Variants in TTLL7 observed in about 807,000 individuals in gnomAD.
TTLL7 encodes the protein tubulin polyglutamylase TTLL7.
A neutral mutation model predicts 120.2 loss-of-function variants in TTLL7; 53 were observed. The observed-to-expected ratio is 0.44, with a 90% CI of 0.35 to 0.55. The LOEUF (loss-of-function observed/expected upper bound fraction) is 0.55, where lower values mean the gene tolerates loss of function less well. Ranked by LOEUF, TTLL7 falls within the 20% of genes least tolerant of loss-of-function variation. TTLL7 has a pLI of 0.00. For synonymous variants in TTLL7, 353 were observed against 351.7 expected, an observed-to-expected ratio of 1.00 and a Z score of -0.04; for missense variants, 803 against 1,054.7, an observed-to-expected ratio of 0.76 and a Z score of 3.31.
chr1:83,958,512 A>C lies in TTLL7; in HGVS notation c.-176-6125T>G, dbSNP rs1283672777. ...CAGTCAGAAATCTATTACTTCCTAA[A>C]AATTATAAAAATAAGGCAGTTGTAT... is the stretch of plus-strand genomic sequence containing the variant. On this transcript the variant is annotated intron_variant, in intron 1 of 20. Coordinates refer to ENST00000260505, the MANE Select transcript of TTLL7 (RefSeq NM_024686.6). 1.2e-4 allele frequency among the ~76,000 whole-genome samples: 18 copies of C among 152,230 alleles called. 1 individual carries two copies. Among genetic ancestry groups the C allele is most frequent in the Admixed American group, 1.2e-3 (18 of 15,280 alleles).
At chr1:83,896,147 AAC>A (rs1656201861) in intron 18 of TTLL7, among the ~76,000 whole-genome samples, 1 of 152,080 alleles carries the variant, frequency 6.6e-6, no homozygotes, top group Non-Finnish European at 1.5e-5. Context: ...TAATTCGTGA[AAC>A]ACAAAAATAA....
rs748921687 is a variant in TTLL7 at position 83,921,260 on chromosome 1, C to T, written c.1277G>A (p.Arg426Gln). ...AAACTTTCATACCAACTCTTCTTTC[C>T]GCCTCTCCAACTGGTGTCTCTGCTG... ...WEQQRHQLER[R>Q]KEELKERLAQ... The change falls in exon 11 of 21, where the codon CGG becomes CAG. Residue 426 changes from arginine to glutamine, a missense_variant. This residue lies in a region of TTLL7 where 324 missense variants were observed against 507.7 expected (regional missense o/e 0.64). Coordinates refer to ENST00000260505, the MANE Select transcript of TTLL7 (RefSeq NM_024686.6). 27 of 1,612,304 alleles carry T rather than the reference C, an allele frequency of 1.7e-5. No homozygotes were observed. Among genetic ancestry groups the T allele is most frequent in the Non-Finnish European group, 2.0e-5 (24 of 1,179,496 alleles).
intron 1 of TTLL7, among the ~76,000 whole-genome samples, chr1:83,987,303 A>G (rs1652561975): frequency 6.6e-6 from 1 of 152,140 alleles, no homozygotes; most frequent in Non-Finnish European, 1.5e-5. Context: ...TGATGAAAGA[A>G]ATCAATGAAG....
chr1:83,883,008 T>C lies in TTLL7; in HGVS notation c.2498A>G (p.Lys833Arg), dbSNP rs770241308. The change falls in exon 20 of 21, where the codon AAA (lysine) becomes AGA (arginine). Residue 833 changes from lysine to arginine, a missense_variant. Transcript: ENST00000260505. ...LLVVYKYATD[K>R]RGSLSGIGPD... is the part of the protein sequence containing the mutation. ...ACCAATGCCTGAAAGTGATCCTCTT[T>C]TGTCAGTTGCATATTTGTAAACCAC... The C allele has an allele frequency of 2.5e-6, 4 of 1,612,538 alleles. No individual in the cohort carries two copies. The African/African-American group carries it at 5.3e-5, about 22-fold the overall frequency.
At chr1:83,958,780 T>C (rs1272161450) in intron 1 of TTLL7, among the ~76,000 whole-genome samples, 1 of 152,220 alleles carries the variant, frequency 6.6e-6, no homozygotes, top group Admixed American at 6.5e-5. Context: ...GGATTTAATG[T>C]CAGTTCTACA....
At chr1:83,964,549 T>G (rs1650283098) in intron 1 of TTLL7, among the ~76,000 whole-genome samples, 1 of 152,170 alleles carries the variant, frequency 6.6e-6, no homozygotes, top group Non-Finnish European at 1.5e-5. Context: ...AAACTTGTTT[T>G]TAATGCTCAT....
chr1:83,908,040 T>C (rs1225080995), intron 15 of TTLL7, among the ~76,000 whole-genome samples: 1 of 152,116 alleles, frequency 6.6e-6, no homozygotes, highest in Non-Finnish European at 1.5e-5. Context: ...GGAAACCCTC[T>C]GAAGTAGGGA....
intron 18 of TTLL7, among the ~76,000 whole-genome samples, chr1:83,903,619 T>C (rs184965690): frequency 5.3e-5 from 8 of 152,220 alleles, no homozygotes; most frequent in Non-Finnish European, 1.2e-4. Context: ...TAATTACTTA[T>C]AATATCTAAT....
At chr1:83,928,450 T>C (rs1408333242) in intron 10 of TTLL7, among the ~76,000 whole-genome samples, 1 of 152,194 alleles carries the variant, frequency 6.6e-6, no homozygotes, top group Non-Finnish European at 1.5e-5. Flanking sequence ...AAAAAATTCA[T>C]TTTGTAATGA....
chr1:83,995,686 A>G (rs1247959419), intron 1 of TTLL7, among the ~76,000 whole-genome samples: 2 of 152,144 alleles, frequency 1.3e-5, no homozygotes, highest in Admixed American at 1.3e-4. Flanking sequence ...AGTAGTTTCA[A>G]AACTTGCTTA....
intron 1 of TTLL7, among the ~76,000 whole-genome samples, chr1:83,969,963 T>A (rs898191101): frequency 6.6e-6 from 1 of 151,998 alleles, no homozygotes; most frequent in African/African-American, 2.4e-5. Context: ...TAAACAAATA[T>A]GCCTAAATTA....
At chr1:83,885,546 T>C (rs889914848) in intron 19 of TTLL7, among the ~76,000 whole-genome samples, 2 of 152,018 alleles carry the variant, frequency 1.3e-5, no homozygotes, top group Non-Finnish European at 2.9e-5. Context: ...CAAGGTCCTA[T>C]ACATATTTAG....
chr1:83,947,485 G>C, intron 5 of TTLL7: 1 of 341,164 alleles, frequency 2.9e-6, no homozygotes, highest in Non-Finnish European at 5.1e-6. Context: ...ATTCATCAGT[G>C]AAAAAAAAAA....
intron 1 of TTLL7, among the ~76,000 whole-genome samples, chr1:83,977,609 C>T (rs1651610501): frequency 6.6e-6 from 1 of 152,122 alleles, no homozygotes; most frequent in African/African-American, 2.4e-5. Context: ...CAGGAAGAGA[C>T]AGGCTGCAGC....
At chr1:83,928,051 G>A (rs544428031) in intron 10 of TTLL7, among the ~76,000 whole-genome samples, 2 of 152,104 alleles carry the variant, frequency 1.3e-5, no homozygotes, top group South Asian at 4.1e-4. Context: ...AGAAATTTCT[G>A]ACTGCTTAAA....
At chr1:83,955,577 C>T (rs759438083) in intron 1 of TTLL7, among the ~76,000 whole-genome samples, 18 of 152,156 alleles carry the variant, frequency 1.2e-4, no homozygotes, top group Non-Finnish European at 2.1e-4. Context: ...CAGCCCTCAC[C>T]GTCAATAAAC....
At chr1:83,931,057 C>A (rs1296072209) in intron 9 of TTLL7, among the ~76,000 whole-genome samples, 1 of 149,260 alleles carries the variant, frequency 6.7e-6, no homozygotes, top group Non-Finnish European at 1.5e-5. Context: ...AAAAGAAAAA[C>A]CACAAATGGC....
intron 15 of TTLL7, 31 bp from the exon 16 acceptor site, chr1:83,907,692 G>C: frequency 1.3e-6 from 2 of 1,590,176 alleles, no homozygotes. Flanking sequence ...GGATACTACA[G>C]TAGCAGTATT....
chr1:83,919,694 C>T lies in TTLL7; in HGVS notation c.1500+5G>A, dbSNP rs777496735. On this transcript the variant is annotated splice_donor_5th_base_variant and intron_variant, in intron 13 of 20. Transcript: ENST00000260505. ...TTTTCTCTATATAAACATTCATTCT[C>T]TTACCTTCATCCTTTTCAAAGGATT... is the stretch of plus-strand genomic sequence containing the variant. 2 of 1,607,956 alleles carry T rather than the reference C, an allele frequency of 1.2e-6. No homozygotes were observed. Among genetic ancestry groups the T allele is most frequent in the African/African-American group, 1.3e-5 (1 of 74,594 alleles).
Sources: allele counts gnomAD v4.1 joint callset (sites outside exome capture counted in the v4.1 genomes callset), GRCh38; gene constraint gnomAD v4.1.1; regional missense constraint gnomAD v4.1.1; transcripts MANE v1.5; gene names NCBI Gene and HGNC (gene_info 2026-07-23, HGNC 2026-07-21).